The following TMC7 variants were observed in gnomAD, a reference collection of about 807,000 sequenced individuals.
TMC7 encodes the protein transmembrane channel-like protein 7.
A neutral mutation model predicts 82.9 loss-of-function variants in TMC7; 54 were observed. The ratio of observed to expected loss-of-function variants is 0.65; its 90% CI spans 0.52 to 0.82. TMC7 has a LOEUF of 0.82. Among genes scored for constraint, TMC7 ranks in the 40% least tolerant of loss-of-function variants. The pLI is 0.00. For missense variants in TMC7, 820 were observed against 901.2 expected, an observed-to-expected ratio of 0.91 and a Z score of 1.15; for synonymous variants, 350 against 337.9, an observed-to-expected ratio of 1.04 and a Z score of -0.39.
chr16:19,055,842 G>C (rs1253837994), intron 13 of TMC7, among the ~76,000 whole-genome samples: 1 of 152,108 alleles, frequency 6.6e-6, no homozygotes, highest in Non-Finnish European at 1.5e-5. Flanking sequence ...CCCAGCATAC[G>C]TTAGCTATTT....
intron 1 of TMC7, among the ~76,000 whole-genome samples, chr16:18,995,042 A>C (rs1363541403): frequency 6.6e-6 from 1 of 152,138 alleles, no homozygotes; most frequent in Non-Finnish European, 1.5e-5. Context: ...AAAAGGCGGC[A>C]ATGAGGTGTG....
chr16:19,050,741 TCCAC>T (rs1276061048), intron 12 of TMC7, among the ~76,000 whole-genome samples: 1 of 152,136 alleles, frequency 6.6e-6, no homozygotes, highest in African/African-American at 2.4e-5. Context: ...CCTCAAGTGA[TCCAC>T]CCACCTAGGC....
intron 15 of TMC7, chr16:19,059,797 T>G: frequency 1.2e-6 from 1 of 847,776 alleles, no homozygotes; most frequent in Non-Finnish European, 1.8e-6. Context: ...GCCAACATGG[T>G]GAAACCCCGT....
At chr16:18,997,518 C>T (rs1000825492) in intron 1 of TMC7, among the ~76,000 whole-genome samples, 1 of 151,768 alleles carries the variant, frequency 6.6e-6, no homozygotes, top group Non-Finnish European at 1.5e-5. Context: ...TACAGGCGCC[C>T]ACCACCACAC....
chr16:19,059,275 G>A, intron 14 of TMC7, 141 bp from the exon 15 acceptor site: 1 of 1,418,362 alleles, frequency 7.1e-7, no homozygotes, highest in African/African-American at 1.4e-5. Flanking sequence ...CAAAGCACTG[G>A]TATTATAAAA....
At chr16:18,991,769 T>C (rs2038955736) in intron 1 of TMC7, among the ~76,000 whole-genome samples, 2 of 152,202 alleles carry the variant, frequency 1.3e-5, no homozygotes, top group South Asian at 4.1e-4. Context: ...CGGTGTGTGA[T>C]GTTCCCCTTT....
At position 18,984,087 on chromosome 16, in the gene TMC7, G is replaced by C. The variant is rs1184897850; in HGVS notation, c.24G>C (p.Ala8=). The C allele has an allele frequency of 6.7e-6, 10 of 1,500,740 alleles. No homozygotes were observed. Among genetic ancestry groups the C allele is most frequent in the Non-Finnish European group, 7.9e-6 (9 of 1,132,940 alleles). The allele number at this position is 1,500,740 out of a possible 1,614,324, so 93.0% of individuals were successfully genotyped here. Residue 8 remains alanine, a synonymous_variant, in exon 1 of 16, where the codon GCG becomes GCC. Coordinates refer to ENST00000304381, the MANE Select transcript of TMC7 (RefSeq NM_024847.4). ...CCATGAGCGAGTCCAGCGGCAGTGC[G>C]CTCCAGCCCGGCAGGCCCAGCCGGC... MSESSGS[A]LQPGRPSRQP... is the part of the protein sequence containing the mutation.
intron 1 of TMC7, among the ~76,000 whole-genome samples, chr16:19,007,200 C>T (rs572669037): frequency 8.5e-5 from 13 of 152,052 alleles, no homozygotes; most frequent in Non-Finnish European, 1.8e-4. Context: ...TTTTTGTAGG[C>T]TTAGGGGCTC....
At chr16:18,989,707 T>C (rs1408979398) in intron 1 of TMC7, among the ~76,000 whole-genome samples, 1 of 150,942 alleles carries the variant, frequency 6.6e-6, no homozygotes, top group Admixed American at 6.6e-5. Flanking sequence ...AAGGGACAAA[T>C]AGGATTACTG....
chr16:19,045,783 A>G (rs1369450413), intron 11 of TMC7, among the ~76,000 whole-genome samples: 1 of 151,668 alleles, frequency 6.6e-6, no homozygotes, highest in African/African-American at 2.4e-5. Context: ...TTTTTAGTAG[A>G]GATGGGGTTT....
At chr16:19,033,905 G>A (rs1960626022) in intron 6 of TMC7, 1 of 152,174 alleles carries the variant, frequency 6.6e-6, no homozygotes, top group Non-Finnish European at 1.5e-5. Context: ...TTGGCAGAAT[G>A]ACTGATCATA....
intron 5 of TMC7, among the ~76,000 whole-genome samples, chr16:19,025,220 G>T (rs1485853402): frequency 6.6e-6 from 1 of 152,028 alleles, no homozygotes; most frequent in Non-Finnish European, 1.5e-5. Context: ...GTTTCCTAGT[G>T]GACAAAATTA....
At chr16:19,037,100 A>G (rs1479272589) in intron 7 of TMC7, among the ~76,000 whole-genome samples, 2 of 152,156 alleles carry the variant, frequency 1.3e-5, no homozygotes, top group African/African-American at 4.8e-5. Flanking sequence ...GTAGACATAA[A>G]AAATAGTTGG....
chr16:19,016,450 G>A lies in TMC7; in HGVS notation c.312G>A (p.Arg104=). Residue 104 remains arginine, a splice_region_variant and synonymous_variant, in exon 3 of 16, where the codon AGG becomes AGA. Transcript: ENST00000304381. ...TGTCATGATCATGTTTTCCATGCAG[G>A]GACATTCAAGAGACACAAATGAAGT... ...ALNISEKRRL[R]DIQETQMKYL... is the part of the protein sequence containing the mutation. The A allele has an allele frequency of 1.9e-6, 3 of 1,614,006 alleles. No individual in the cohort carries two copies. The highest frequency in any genetic ancestry group is 2.5e-6 in the Non-Finnish European group (3 of 1,179,958).
intron 1 of TMC7, among the ~76,000 whole-genome samples, chr16:19,000,556 C>T (rs889786929): frequency 2.0e-5 from 3 of 152,212 alleles, no homozygotes; most frequent in Middle Eastern, 3.4e-3. Flanking sequence ...ATCGACTTAT[C>T]GGTAATATCA....
intron 12 of TMC7, 81 bp from the exon 13 acceptor site, chr16:19,051,605 T>C: frequency 6.7e-7 from 1 of 1,498,662 alleles, no homozygotes; most frequent in Admixed American, 1.7e-5. Context: ...ACATTCCCAC[T>C]GTAATGCAGG....
At chr16:19,059,550 C>A (rs761506523) in intron 15 of TMC7, 56 bp downstream of exon 15, 2 of 1,614,032 alleles carry the variant, frequency 1.2e-6, no homozygotes, top group African/African-American at 1.3e-5. Flanking sequence ...CAGGACACTG[C>A]AAGGAAAGTG....
chr16:19,004,614 C>T (rs1276519283), intron 1 of TMC7, among the ~76,000 whole-genome samples: 1 of 152,172 alleles, frequency 6.6e-6, no homozygotes, highest in Non-Finnish European at 1.5e-5. Flanking sequence ...ATCCACCTGC[C>T]TCAGCCTCCC....
At chr16:19,038,196 CT>C (rs1394093335) in intron 8 of TMC7, 149 bp downstream of exon 8, 2 of 780,308 alleles carry the variant, frequency 2.6e-6, no homozygotes, top group Non-Finnish European at 3.9e-6. Flanking sequence ...TCAGTTTCCA[CT>C]TTTTTATTTT....
Sources: gnomAD v4.1 joint callset for allele counts (sites outside exome capture counted in the v4.1 genomes callset) on GRCh38, gnomAD v4.1.1 for gene constraint, MANE v1.5 for transcripts, NCBI Gene and HGNC (gene_info 2026-07-23, HGNC 2026-07-21) for gene names.